C5orf52: variants seen among roughly 807,000 people sequenced by gnomAD.
The protein encoded by C5orf52 is uncharacterized protein C5orf52.
In C5orf52, 15 loss-of-function variants were observed where a neutral mutation model predicts 16.8. That is an observed-to-expected ratio of 0.89 (90% confidence interval 0.60 to 1.38). The LOEUF (loss-of-function observed/expected upper bound fraction) is 1.38. Among genes scored for constraint, C5orf52 ranks in the 40% most tolerant of loss-of-function variants. C5orf52 has a pLI of 0.00. For missense variants in C5orf52, 206 were observed against 213.1 expected (o/e 0.97, Z 0.21); for synonymous variants, 83 against 87.2 (o/e 0.95, Z 0.27).
chr5:157,671,491 G>C, upstream of C5orf52: 1 of 761,602 alleles, frequency 1.3e-6, no homozygotes, highest in East Asian at 2.8e-5. Flanking sequence ...GTGTCTCCCA[G>C]GCAACGCGCC....
At chr5:157,675,303 C>A in intron 2 of C5orf52, 103 bp downstream of exon 2, 1 of 714,894 alleles carries the variant, frequency 1.4e-6, no homozygotes, top group Non-Finnish European at 2.3e-6. Flanking sequence ...GATAGGGAGT[C>A]ATCAAGGTGC....
rs1482683693 is a variant in C5orf52, at chr5:157,671,668, C to G, written c.54C>G (p.Ile18Met). 5 of 1,551,296 alleles carry G rather than the reference C, an allele frequency of 3.2e-6. No homozygotes were observed. Among genetic ancestry groups the G allele is most frequent in the South Asian group, 1.2e-5 (1 of 84,018 alleles). Reference protein sequence around the residue: ...SVTCDQGSSTIGGTAAQATTS... With the variant: ...SVTCDQGSSTMGGTAAQATTS... ...CCTGTGACCAGGGATCCTCCACGAT[C>G]GGCGGGACCGCCGCCCAGGCGACCA... is the stretch of plus-strand genomic sequence containing the variant. The change falls in exon 1 of 3, where the codon ATC (isoleucine) becomes ATG (methionine). Residue 18 changes from isoleucine to methionine, a missense_variant. Transcript: ENST00000409999.
At chr5:157,671,903 C>A in intron 1 of C5orf52, 77 bp downstream of exon 1, 2 of 1,019,672 alleles carry the variant, frequency 2.0e-6, no homozygotes, top group Non-Finnish European at 2.8e-6. Flanking sequence ...GACTCGCGCT[C>A]CCCTTAGCCG....
chr5:157,680,030 C>A lies in C5orf52; in HGVS notation c.*31C>A. 1 of 1,543,948 alleles carries A rather than the reference C, an allele frequency of 6.5e-7. No homozygotes were observed. The highest frequency in any genetic ancestry group is 8.7e-7 in the Non-Finnish European group (1 of 1,143,834). ...AGTCTCCCAAGAAAGGCCAACCACC[C>A]TAGTTCTGGCAAAGGGATCTGCCCC... On this transcript the variant is annotated 3_prime_UTR_variant, in exon 3 of 3. Coordinates refer to ENST00000409999, the MANE Select transcript of C5orf52 (RefSeq NM_001145132.2).
At chr5:157,673,002 CA>C (rs2113864643) in intron 1 of C5orf52, among the ~76,000 whole-genome samples, 1 of 151,812 alleles carries the variant, frequency 6.6e-6, no homozygotes, top group African/African-American at 2.4e-5. Flanking sequence ...CACCCTTCCA[CA>C]GTTGTCTTTT....
chr5:157,676,861 C>CT (rs61514085), intron 2 of C5orf52, among the ~76,000 whole-genome samples: 41,943 of 134,592 alleles, frequency 0.31, 7,645 homozygotes, highest in African/African-American at 0.58. Flanking sequence ...TTTTAATTTC[C>CT]TTTTTTTTTC....
intron 1 of C5orf52, among the ~76,000 whole-genome samples, chr5:157,674,149 A>G (rs1407458153): frequency 2.0e-5 from 3 of 149,478 alleles, no homozygotes; most frequent in Non-Finnish European, 4.4e-5. Flanking sequence ...CCCATCTTTC[A>G]CCTCTCACCT....
chr5:157,671,604 G>A lies in C5orf52; in HGVS notation c.-11G>A. The stretch of plus-strand genomic sequence containing the variant: ...CCAGTTTCCAACTCTTTCTCCAACA[G>A]GGAAGCCGCAATGACACAGCCGACT... On this transcript the variant is annotated 5_prime_UTR_variant, in exon 1 of 3. Transcript: ENST00000409999. 6.5e-7 allele frequency: 1 copy of A among 1,543,466 alleles called. No individual in the cohort carries two copies. Among genetic ancestry groups the A allele is most frequent in the Non-Finnish European group, 8.7e-7 (1 of 1,143,306 alleles).
chr5:157,673,404 C>T (rs1241561158), intron 1 of C5orf52, among the ~76,000 whole-genome samples: 2 of 151,726 alleles, frequency 1.3e-5, no homozygotes, highest in Non-Finnish European at 2.9e-5. Context: ...GGACAATCAC[C>T]GTTAACATTT....
chr5:157,673,402 A>G (rs1759834151), intron 1 of C5orf52, among the ~76,000 whole-genome samples: 1 of 152,082 alleles, frequency 6.6e-6, no homozygotes, highest in Non-Finnish European at 1.5e-5. Flanking sequence ...AGGGACAATC[A>G]CCGTTAACAT....
chr5:157,671,899 C>A, intron 1 of C5orf52, 73 bp downstream of exon 1: 1 of 1,055,952 alleles, frequency 9.5e-7, no homozygotes, highest in Non-Finnish European at 1.3e-6. Context: ...TTGGGACTCG[C>A]GCTCCCCTTA....
At chr5:157,674,157 C>A (rs1759853309) in intron 1 of C5orf52, among the ~76,000 whole-genome samples, 1 of 151,940 alleles carries the variant, frequency 6.6e-6, no homozygotes, top group Admixed American at 6.6e-5. Flanking sequence ...TCACCTCTCA[C>A]CTTTCAGAGT....
chr5:157,671,664 C>G lies in C5orf52; in HGVS notation c.50C>G (p.Thr17Arg). 6.4e-7 allele frequency: 1 copy of G among 1,551,376 alleles called. No individual in the cohort carries two copies. The highest frequency in any genetic ancestry group is 8.7e-7 in the Non-Finnish European group (1 of 1,146,862). ...PSVTCDQGSSTIGGTAAQATT... is the reference protein window; with the variant it reads ...PSVTCDQGSSRIGGTAAQATT... ...GTCACCTGTGACCAGGGATCCTCCA[C>G]GATCGGCGGGACCGCCGCCCAGGCG... Residue 17 changes from threonine to arginine, a missense_variant, in exon 1 of 3, where the codon ACG becomes AGG. Coordinates refer to ENST00000409999, the MANE Select transcript of C5orf52 (RefSeq NM_001145132.2).
chr5:157,673,909 G>A (rs896582051), intron 1 of C5orf52, among the ~76,000 whole-genome samples: 1 of 152,154 alleles, frequency 6.6e-6, no homozygotes, highest in Admixed American at 6.6e-5. Context: ...GCCTCCCAAA[G>A]TGCTGGGACT....
Position 157,675,089 on chromosome 5 carries a change from C to T in C5orf52, c.213-3C>T. The stretch of plus-strand genomic sequence containing the variant: ...CTGTGCCACCTTTCCCTCCCTGCTC[C>T]AGCTTAATGAATTCCAGTGAAGCAG... On this transcript the variant is annotated splice_region_variant and splice_polypyrimidine_tract_variant and intron_variant, in intron 1 of 2. Transcript: ENST00000409999. 2 of 1,546,550 alleles carry T rather than the reference C, an allele frequency of 1.3e-6. No individual in the cohort carries two copies. The highest frequency in any genetic ancestry group is 1.8e-6 in the Non-Finnish European group (2 of 1,142,252).
At chr5:157,675,031 T>C (rs1759869765) in intron 1 of C5orf52, 61 bp from the exon 2 acceptor site, 3 of 1,099,296 alleles carry the variant, frequency 2.7e-6, no homozygotes, top group Non-Finnish European at 2.7e-6. Context: ...CCCCATCAAA[T>C]GTGCTCTGGC....
At chr5:157,677,595 G>A (rs1000397292) in intron 2 of C5orf52, among the ~76,000 whole-genome samples, 1 of 147,852 alleles carries the variant, frequency 6.8e-6, no homozygotes, top group Non-Finnish European at 1.5e-5. Flanking sequence ...CCGAGGTTGC[G>A]ATGAGCCAAT....
At chr5:157,679,407 G>A (rs1205194294) in intron 2 of C5orf52, among the ~76,000 whole-genome samples, 3 of 152,110 alleles carry the variant, frequency 2.0e-5, no homozygotes, top group Admixed American at 6.5e-5. Context: ...TGCGGTCTCG[G>A]CTTACTGCAG....
intron 2 of C5orf52, among the ~76,000 whole-genome samples, chr5:157,676,867 T>A (rs1348857330): frequency 1.2e-5 from 1 of 86,804 alleles, no homozygotes; most frequent in Non-Finnish European, 2.2e-5. Flanking sequence ...TTTCCTTTTT[T>A]TTTCTTTTTT....
Sources: gnomAD v4.1 joint callset for allele counts (sites outside exome capture counted in the v4.1 genomes callset) on GRCh38, gnomAD v4.1.1 for gene constraint, MANE v1.5 for transcripts, NCBI Gene and HGNC (gene_info 2026-07-23, HGNC 2026-07-21) for gene names.